RPTOR: variants seen among roughly 807,000 people sequenced by gnomAD.
The protein encoded by RPTOR is regulatory associated protein of MTOR complex 1, also known as regulatory-associated protein of mTOR.
RPTOR carries 21 observed loss-of-function variants against 169.9 expected under a neutral mutation model. That is an observed-to-expected ratio of 0.12 (90% CI 0.09 to 0.18). The LOEUF is 0.18. Among genes scored for constraint, RPTOR ranks in the 10% least tolerant of loss-of-function variants. The probability of loss-of-function intolerance (pLI) is 1.00; values close to 1 mark genes in which losing one functional copy is unlikely to be tolerated. For synonymous variants in RPTOR, 732 were observed against 753.2 expected, an observed-to-expected ratio of 0.97 and a Z score of 0.46; for missense variants, 1,133 against 1,855.9, an observed-to-expected ratio of 0.61 and a Z score of 7.16.
intron 1 of RPTOR, among the ~76,000 whole-genome samples, chr17:80,587,928 C>A (rs1599579644): frequency 6.6e-6 from 1 of 152,108 alleles, no homozygotes; most frequent in Non-Finnish European, 1.5e-5. Context: ...ATCTCCCCTA[C>A]CCCTTCCACC....
chr17:80,796,275 G>T (rs566973277), intron 7 of RPTOR, among the ~76,000 whole-genome samples: 2 of 152,352 alleles, frequency 1.3e-5, no homozygotes, highest in African/African-American at 4.8e-5. Flanking sequence ...TCATCTGCAA[G>T]CTGCGGAGCA....
chr17:80,860,719 G>A lies in RPTOR; in HGVS notation c.1509+2819G>A, dbSNP rs2067908730. 6.6e-6 allele frequency among the ~76,000 whole-genome samples: 1 copy of A among 152,018 alleles called. No individual in the cohort carries two copies. Among genetic ancestry groups the A allele is most frequent in the Non-Finnish European group, 1.5e-5 (1 of 68,020 alleles). ...CCCTGGGATTTTCTGCTAGTTCACTGGTTCTTGTAGATTCCCTAGGATTTT... is the reference window on the plus strand; with the variant it reads ...CCCTGGGATTTTCTGCTAGTTCACTAGTTCTTGTAGATTCCCTAGGATTTT... On this transcript the variant is annotated intron_variant, in intron 13 of 33. Transcript: ENST00000306801. This position sits in a 1 kb window ranked among gnomAD's most constrained non-coding sequence, Gnocchi z 5.8.
intron 3 of RPTOR, among the ~76,000 whole-genome samples, chr17:80,701,089 T>C (rs1380621249): frequency 6.6e-6 from 1 of 152,056 alleles, no homozygotes; most frequent in Non-Finnish European, 1.5e-5. Flanking sequence ...ACCCCATCCA[T>C]ATGGATTGAG....
At chr17:80,553,967 C>T (rs2084376048) in intron 1 of RPTOR, among the ~76,000 whole-genome samples, 1 of 152,124 alleles carries the variant, frequency 6.6e-6, no homozygotes, top group Non-Finnish European at 1.5e-5. Flanking sequence ...GTCTCGAACT[C>T]CTGACTTCAG....
Position 80,754,016 on chromosome 17 carries a change from G to A in RPTOR, c.661G>A (p.Ala221Thr), listed in dbSNP as rs1007936254. 1 of 1,612,418 alleles carries A rather than the reference G, an allele frequency of 6.2e-7. No individual in the cohort carries two copies. Among genetic ancestry groups the A allele is most frequent in the Non-Finnish European group, 8.5e-7 (1 of 1,178,652 alleles). ...LQREQELEVA[A>T]INPNHPLAQM... ...CGAATGTTCTGCCCTTCAGGTAGCT[G>A]CAATCAACCCAAATCACCCTCTTGC... Residue 221 changes from alanine (A) to threonine (T), a missense_variant, in exon 6 of 34, where the codon GCA becomes ACA. Physicochemically the swap from Ala to Thr is moderately conservative, Grantham distance 58. Around this residue, in one of 9 missense-constraint regions of RPTOR, gnomAD observed 35 missense variants for 31.8 expected, o/e 1.10. Transcript: ENST00000306801. The surrounding 1 kb of genome is among the most constrained non-coding windows in gnomAD (Gnocchi z 4.2).
At chr17:80,775,759 C>T (rs960343245) in intron 6 of RPTOR, among the ~76,000 whole-genome samples, 2 of 152,086 alleles carry the variant, frequency 1.3e-5, no homozygotes, top group African/African-American at 4.8e-5. Flanking sequence ...TAACAGTAAA[C>T]AATGAAAAGG....
intron 24 of RPTOR, among the ~76,000 whole-genome samples, chr17:80,927,859 G>T (rs2068831396): frequency 6.6e-6 from 1 of 151,860 alleles, no homozygotes. Flanking sequence ...TTGCACATCT[G>T]AGAATTCCCG....
At chr17:80,964,209 C>CCA in intron 33 of RPTOR, 53 bp from the exon 34 acceptor site, 1 of 1,325,554 alleles carries the variant, frequency 7.5e-7, no homozygotes, top group Non-Finnish European at 1.1e-6. Flanking sequence ...CCCCGCCCCC[C>CCA]GCAGTGTCTG....
intron 2 of RPTOR, among the ~76,000 whole-genome samples, chr17:80,640,053 GA>G (rs944232414): frequency 4.6e-5 from 7 of 152,148 alleles, no homozygotes; most frequent in African/African-American, 1.7e-4. Flanking sequence ...GGGTTATGCT[GA>G]AAATCTTGCA....
At chr17:80,840,678 ACACGG>A (rs2067628902) in intron 10 of RPTOR, among the ~76,000 whole-genome samples, 1 of 50,354 alleles carries the variant, frequency 2.0e-5, no homozygotes, top group Non-Finnish European at 4.3e-5. Flanking sequence ...CACTCTCACC[ACACGG>A]CAGCTCACTC....
At chr17:80,604,348 T>G (rs1205590601) in intron 1 of RPTOR, among the ~76,000 whole-genome samples, 3 of 152,250 alleles carry the variant, frequency 2.0e-5, no homozygotes, top group African/African-American at 7.2e-5. Flanking sequence ...TGTGAGAACA[T>G]CATTGAATTA....
intron 11 of RPTOR, among the ~76,000 whole-genome samples, chr17:80,848,473 T>G (rs1041901444): frequency 6.6e-6 from 1 of 152,254 alleles, no homozygotes; most frequent in Non-Finnish European, 1.5e-5. Context: ...CCAGCTCATG[T>G]TCAAAACCAA....
chr17:80,737,016 CAT>C (rs946411029), intron 5 of RPTOR, among the ~76,000 whole-genome samples: 4 of 152,296 alleles, frequency 2.6e-5, no homozygotes, highest in East Asian at 1.9e-4. Flanking sequence ...CGTGAGCTGA[CAT>C]GTGTTAGGTC....
At position 80,584,569 on chromosome 17, in the gene RPTOR, G is replaced by A. The variant is rs141550288; in HGVS notation, c.162+38778G>A. On this transcript the variant is annotated intron_variant, in intron 1 of 33. Transcript: ENST00000306801. The stretch of plus-strand genomic sequence containing the variant: ...CGATTTTTCCTTTATGTGTTACTCC[G>A]TTTACCATGTCTCAATAAAATGGCA... Among the ~76,000 whole-genome samples, 579 of 152,104 alleles carry A rather than the reference G, an allele frequency of 3.8e-3. 3 individuals carry two copies. Among genetic ancestry groups the A allele is most frequent in the Non-Finnish European group, 6.4e-3 (432 of 68,008 alleles).
chr17:80,686,749 T>C (rs545201973), intron 3 of RPTOR, among the ~76,000 whole-genome samples: 4 of 152,260 alleles, frequency 2.6e-5, no homozygotes, highest in African/African-American at 9.6e-5. Context: ...TTTTACAAAA[T>C]CAGCTTTGTG....
chr17:80,604,298 T>C (rs1326549825), intron 1 of RPTOR, among the ~76,000 whole-genome samples: 1 of 152,240 alleles, frequency 6.6e-6, no homozygotes, highest in East Asian at 1.9e-4. Context: ...TTTCTGAGCT[T>C]ATGTGCTGTG....
At chr17:80,648,371 T>C (rs140026511) in intron 3 of RPTOR, among the ~76,000 whole-genome samples, 1 of 152,176 alleles carries the variant, frequency 6.6e-6, no homozygotes, top group Non-Finnish European at 1.5e-5. Flanking sequence ...TATGTGTAAT[T>C]CCATGTTGTT....
chr17:80,809,107 G>A (rs9904138), intron 7 of RPTOR, among the ~76,000 whole-genome samples: 12,612 of 152,308 alleles, frequency 0.083, 782 homozygotes, highest in African/African-American at 0.17. Context: ...AAAGTGGTTT[G>A]CTGACCTGAG....
At chr17:80,893,071 A>G (rs1320687987) in intron 19 of RPTOR, among the ~76,000 whole-genome samples, 3 of 152,212 alleles carry the variant, frequency 2.0e-5, no homozygotes, top group East Asian at 3.8e-4. Flanking sequence ...CAGAATAGCC[A>G]GCGGGCCCGT....
Sources: gnomAD v4.1 joint callset for allele counts (sites outside exome capture counted in the v4.1 genomes callset) on GRCh38, gnomAD v4.1.1 for gene constraint, gnomAD v4.1.1 regional missense constraint, Gnocchi (gnomAD v3.1) non-coding constraint, MANE v1.5 for transcripts, NCBI Gene and HGNC (gene_info 2026-07-23, HGNC 2026-07-21) for gene names.